Variants in CATSPERD observed in about 807,000 individuals in gnomAD.
CATSPERD encodes the protein catsper channel auxiliary subunit delta, also known as cation channel sperm-associated auxiliary subunit delta.
A neutral mutation model predicts 98.1 loss-of-function variants in CATSPERD; 86 were observed. The observed-to-expected ratio is 0.88, with a 90% CI of 0.74 to 1.05. The LOEUF (loss-of-function observed/expected upper bound fraction) is 1.05, where lower values mean the gene tolerates loss of function less well. CATSPERD is among the 50% of genes least tolerant of loss of function. The probability of loss-of-function intolerance (pLI) is 0.00; values close to 1 mark genes in which losing one functional copy is unlikely to be tolerated. For missense variants in CATSPERD, 995 were observed against 1,005.7 expected, an observed-to-expected ratio of 0.99 and a Z score of 0.14; for synonymous variants, 394 against 390.2, an observed-to-expected ratio of 1.01 and a Z score of -0.12.
intron 8 of CATSPERD, 112 bp from the exon 9 acceptor site, chr19:5,745,792 CTTCTTTGCT>C (rs533298987): frequency 1.7e-5 from 15 of 870,246 alleles, no homozygotes; most frequent in East Asian, 1.6e-4. Context: ...AGACTTGTGG[CTTCTTTGCT>C]TTCTTTGCTT....
At chr19:5,766,459 GAAA>G (rs71979608) in intron 17 of CATSPERD, among the ~76,000 whole-genome samples, 6 of 142,476 alleles carry the variant, frequency 4.2e-5, no homozygotes, top group Non-Finnish European at 4.6e-5. Flanking sequence ...CTCTCGTCTT[GAAA>G]AAAAAAAAAA....
Position 5,737,137 on chromosome 19 carries a change from G to C in CATSPERD, c.392-1G>C, listed in dbSNP as rs759369806. The C allele has an allele frequency of 1.3e-6, 2 of 1,592,918 alleles. No individual in the cohort carries two copies. Among genetic ancestry groups the C allele is most frequent in the South Asian group, 1.1e-5 (1 of 90,076 alleles). On this transcript the variant is annotated splice_acceptor_variant, in intron 5 of 21. Transcript: ENST00000381624. LOFTEE classifies it high-confidence loss of function. ...ATTTCAAAATTATATTTTCCTTTCA[G>C]GTATAAAACACCCTGTTACACATGT...
intron 13 of CATSPERD, among the ~76,000 whole-genome samples, chr19:5,756,588 G>A (rs1279017020): frequency 6.6e-6 from 1 of 152,070 alleles, no homozygotes; most frequent in Non-Finnish European, 1.5e-5. Flanking sequence ...AGTATTGCTT[G>A]GTTTATTCTC....
chr19:5,776,210 C>T lies in CATSPERD; in HGVS notation c.1991C>T (p.Pro664Leu). Residue 664 changes from proline (P) to leucine (L), a missense_variant, in exon 21 of 22, where the codon CCA becomes CTA. Pro to Leu is a moderately conservative substitution (Grantham distance 98). Around this residue, in one of 3 missense-constraint regions of CATSPERD, gnomAD observed 762 missense variants for 773.7 expected, o/e 0.98. Transcript: ENST00000381624. ...AACAACAATGCCCCTTTGAGGTGGC[C>T]AGACGTCCAGTATCAGATCTTGGGC... is the stretch of plus-strand genomic sequence containing the variant. ...DPNNNAPLRW[P>L]DVQYQILGGR... is the part of the protein sequence containing the mutation. 6.2e-7 allele frequency: 1 copy of T among 1,614,208 alleles called. No individual in the cohort carries two copies. The highest frequency in any genetic ancestry group is 8.5e-7 in the Non-Finnish European group (1 of 1,180,040).
At chr19:5,747,610 C>CTTTTT (rs10603074) in intron 9 of CATSPERD, among the ~76,000 whole-genome samples, 114 of 87,618 alleles carry the variant, frequency 1.3e-3, no homozygotes, top group African/African-American at 2.0e-3. Context: ...TTTTTCTTTT[C>CTTTTT]TTTTTTTTTT....
intron 13 of CATSPERD, among the ~76,000 whole-genome samples, chr19:5,756,378 C>T (rs968981037): frequency 2.0e-5 from 3 of 151,876 alleles, no homozygotes; most frequent in Non-Finnish European, 2.9e-5. Context: ...TGGGACTATG[C>T]GAAAGTTTTG....
At position 5,778,631 on chromosome 19, in the gene CATSPERD, C is replaced by T. The variant is rs373012545; in HGVS notation, c.2352C>T (p.Pro784=). ...CCACAGCCAGGGCAGGCACAGAGCC[C>T]CCGGGACGCCACCGCACTCCTCACG... ...ASATARAGTE[P]PGRHRTPHGG... Residue 784 remains proline, a synonymous_variant, in exon 22 of 22, where the codon CCC becomes CCT. Transcript: ENST00000381624. 2.5e-6 allele frequency: 4 copies of T among 1,613,522 alleles called. No homozygotes were observed. The African/African-American group carries it at 4.0e-5, about 16-fold the overall frequency.
intron 16 of CATSPERD, among the ~76,000 whole-genome samples, chr19:5,765,404 TTATTC>T (rs1263792208): frequency 1.5e-5 from 2 of 129,148 alleles, no homozygotes; most frequent in African/African-American, 7.2e-5. Flanking sequence ...GGCCATTGAT[TTATTC>T]ATTCATTCAT....
rs758592581 is a variant in CATSPERD at position 5,772,821 on chromosome 19, C to T, written c.1797C>T (p.Asp599=). 30 of 1,613,954 alleles carry T rather than the reference C, an allele frequency of 1.9e-5. No homozygotes were observed. The highest frequency in any genetic ancestry group is 7.7e-5 in the South Asian group (7 of 91,076). The part of the protein sequence containing the change: ...WRKDSFQEVI[D]AEYVLLEVNG... Reference sequence around the variant, plus strand: ...AAGACAGTTTCCAGGAGGTCATCGACGCCGAGTATGTGTTACTGGAGGTGA... The same window carrying T: ...AAGACAGTTTCCAGGAGGTCATCGATGCCGAGTATGTGTTACTGGAGGTGA... Residue 599 remains aspartate (D), a synonymous_variant, in exon 20 of 22, where the codon GAC becomes GAT. Coordinates refer to ENST00000381624, the MANE Select transcript of CATSPERD (RefSeq NM_152784.4).
intron 6 of CATSPERD, 92 bp from the exon 7 acceptor site, chr19:5,739,234 A>G: frequency 1.3e-6 from 1 of 756,292 alleles, no homozygotes. Context: ...GGTTTTTTTC[A>G]GTCATGAGTT....
intron 7 of CATSPERD, among the ~76,000 whole-genome samples, chr19:5,741,926 G>A (rs2055981648): frequency 6.6e-6 from 1 of 151,504 alleles, no homozygotes; most frequent in African/African-American, 2.4e-5. Context: ...CCAGCTACTT[G>A]GGAGGCTGAG....
At chr19:5,721,978 C>G (rs1329029476) in intron 1 of CATSPERD, among the ~76,000 whole-genome samples, 1 of 140,072 alleles carries the variant, frequency 7.1e-6, no homozygotes, top group African/African-American at 2.7e-5. Context: ...GAGACTCTGT[C>G]TCAAAGGAAA....
At chr19:5,754,082 T>A (rs1345758801) in intron 12 of CATSPERD, 50 bp from the exon 13 acceptor site, 1 of 1,330,294 alleles carries the variant, frequency 7.5e-7, no homozygotes, top group East Asian at 2.3e-5. Flanking sequence ...TTGCCCTTTC[T>A]TTATGGGAAC....
intron 14 of CATSPERD, 105 bp from the exon 15 acceptor site, chr19:5,758,981 T>TC: frequency 1.2e-6 from 1 of 852,510 alleles, no homozygotes. Flanking sequence ...TCCAGGTTCG[T>TC]CCCCCCATGT....
chr19:5,748,116 A>G, intron 9 of CATSPERD, 44 bp from the exon 10 acceptor site: 1 of 1,521,570 alleles, frequency 6.6e-7, no homozygotes, highest in Non-Finnish European at 9.1e-7. Context: ...CCCCTTTCCC[A>G]GGATGTACAC....
At chr19:5,751,197 CAAAA>C (rs556079596) in intron 11 of CATSPERD, among the ~76,000 whole-genome samples, 1 of 46,628 alleles carries the variant, frequency 2.1e-5, no homozygotes, top group African/African-American at 7.6e-5. Flanking sequence ...GATTCCGTCT[CAAAA>C]AAAAAAAAAA....
At chr19:5,728,231 G>A (rs1182442849) in intron 3 of CATSPERD, among the ~76,000 whole-genome samples, 7 of 151,400 alleles carry the variant, frequency 4.6e-5, no homozygotes, top group South Asian at 2.1e-4. Context: ...GATGGCGCCC[G>A]CCTGTAGTCC....
chr19:5,778,719 A>G lies in CATSPERD; in HGVS notation c.*43A>G, dbSNP rs1218105975. 1 of 1,542,536 alleles carries G rather than the reference A, an allele frequency of 6.5e-7. No individual in the cohort carries two copies. The highest frequency in any genetic ancestry group is 1.2e-5 in the South Asian group (1 of 82,900). On this transcript the variant is annotated 3_prime_UTR_variant, in exon 22 of 22. Coordinates refer to ENST00000381624, the MANE Select transcript of CATSPERD (RefSeq NM_152784.4). ...CCAACCCCTTGTCTTCAAATAAAGT[A>G]TAATGTAACATAGCAGGAAGCAGTA...
intron 21 of CATSPERD, among the ~76,000 whole-genome samples, chr19:5,777,914 A>G (rs896385443): frequency 6.6e-6 from 1 of 151,488 alleles, no homozygotes; most frequent in Non-Finnish European, 1.5e-5. Context: ...AAAAACCCAT[A>G]AAAGTCAAAG....
Sources: allele counts gnomAD v4.1 joint callset (sites outside exome capture counted in the v4.1 genomes callset), GRCh38; gene constraint gnomAD v4.1.1; regional missense constraint gnomAD v4.1.1; transcripts MANE v1.5; gene names NCBI Gene and HGNC (gene_info 2026-07-23, HGNC 2026-07-21).